FAM13B: variants seen among roughly 807,000 people sequenced by gnomAD.
The protein encoded by FAM13B is protein FAM13B.
A neutral mutation model predicts 117.3 loss-of-function variants in FAM13B; 60 were observed. The observed-to-expected ratio is 0.51, with a 90% CI of 0.42 to 0.63. The LOEUF is 0.63. Among genes scored for constraint, FAM13B ranks in the 30% least tolerant of loss-of-function variants. The pLI is 0.00. For missense variants in FAM13B, 972 were observed against 1,091.9 expected (o/e 0.89, Z 1.55); for synonymous variants, 332 against 356.1 (o/e 0.93, Z 0.76).
intron 1 of FAM13B, among the ~76,000 whole-genome samples, chr5:138,023,350 C>G (rs889280149): frequency 4.6e-5 from 7 of 152,114 alleles, no homozygotes; most frequent in African/African-American, 1.4e-4. Flanking sequence ...ATATGCCAGG[C>G]AGTTCCATGC....
chr5:138,005,025 G>GCCAGGAGTTTGAGA (rs1561519238), intron 7 of FAM13B, among the ~76,000 whole-genome samples: 2 of 152,086 alleles, frequency 1.3e-5, no homozygotes, highest in Non-Finnish European at 2.9e-5. Context: ...ATCACTTGAG[G>GCCAGGAGTTTGAGA]CCAGGAGTTT....
chr5:137,941,984 A>C lies in FAM13B; in HGVS notation c.2650T>G (p.Leu884Val), dbSNP rs531347260. The C allele has an allele frequency of 1.2e-6, 2 of 1,614,088 alleles. No individual in the cohort carries two copies. Among genetic ancestry groups the C allele is most frequent in the East Asian group, 4.5e-5 (2 of 44,856 alleles). Residue 884 changes from leucine (L) to valine (V), a missense_variant, in exon 23 of 24, where the codon TTG becomes GTG. Coordinates refer to ENST00000689681, the MANE Select transcript of FAM13B (RefSeq NM_001385994.1). The stretch of plus-strand genomic sequence containing the variant: ...TAAAATGCTTCTTCAAATTCCCGCA[A>C]CGTTTTGCGTAGTTTCTTTTTTTCA... ...RAEKKKLRKT[L>V]REFEEAFYQQ...
intron 7 of FAM13B, among the ~76,000 whole-genome samples, chr5:138,003,046 T>C (rs1328310006): frequency 4.6e-5 from 7 of 152,146 alleles, no homozygotes; most frequent in Non-Finnish European, 1.0e-4. Context: ...TAAGCACTTA[T>C]GAAATGGCAT....
At chr5:137,941,918 A>C (rs1761968367) in intron 23 of FAM13B, 26 bp downstream of exon 23, 1 of 1,559,700 alleles carries the variant, frequency 6.4e-7, no homozygotes, top group African/African-American at 1.4e-5. Context: ...AAGAAAGATG[A>C]CTCAATTTTG....
chr5:138,001,569 G>A (rs1289440054), intron 7 of FAM13B, among the ~76,000 whole-genome samples: 1 of 152,094 alleles, frequency 6.6e-6, no homozygotes, highest in Admixed American at 6.6e-5. Context: ...TCTGTAGCAG[G>A]CACTATCCTA....
Position 137,983,213 on chromosome 5 carries a change from A to AAAAAAAAAAAAAAAAAAC in FAM13B, c.1179+2043_1179+2044insGTTTTTTTTTTTTTTTTT, listed in dbSNP as rs1561492748. Among the ~76,000 whole-genome samples, 25 of 93,722 alleles carry AAAAAAAAAAAAAAAAAAC rather than the reference A, an allele frequency of 2.7e-4. 3 individuals are homozygous for AAAAAAAAAAAAAAAAAAC. Among genetic ancestry groups the AAAAAAAAAAAAAAAAAAC allele is most frequent in the Non-Finnish European group, 4.3e-4 (19 of 43,938 alleles). The allele number at this position is 93,722 out of a possible 152,430, so 61.5% of individuals were successfully genotyped here. A position where few individuals can be genotyped will look rare whatever the true frequency, so the allele number is the denominator to read the frequency against. On this transcript the variant is annotated intron_variant, in intron 10 of 23. Transcript: ENST00000689681. ...AAAAAAAAAAAAAAAAAAAAAAAAAAAACCGAGTGAGATATCCTGAATGCC... is the reference window on the plus strand; with the variant it reads ...AAAAAAAAAAAAAAAAAAAAAAAAAAAAAAAAAAAAAAAAAAACAACCGAGTGAGATATCCTGAATGCC...
chr5:137,966,523 A>T (rs1385268182), intron 10 of FAM13B, among the ~76,000 whole-genome samples: 2 of 138,246 alleles, frequency 1.4e-5, no homozygotes, highest in African/African-American at 5.2e-5. Context: ...AGAGAGAGAG[A>T]GGGAAAGAGA....
At chr5:137,969,313 A>G (rs575748294) in intron 10 of FAM13B, among the ~76,000 whole-genome samples, 137 of 152,324 alleles carry the variant, frequency 9.0e-4, no homozygotes, top group Middle Eastern at 3.4e-3. Context: ...CTTGACCCCC[A>G]AGCAGCCTAA....
intron 7 of FAM13B, among the ~76,000 whole-genome samples, chr5:138,002,173 T>C (rs895401871): frequency 6.6e-6 from 1 of 152,188 alleles, no homozygotes; most frequent in African/African-American, 2.4e-5. Flanking sequence ...CAAAGTACTT[T>C]TATAATTTTT....
At chr5:138,050,968 T>C (rs889907560) in intron 1 of FAM13B, among the ~76,000 whole-genome samples, 2 of 152,084 alleles carry the variant, frequency 1.3e-5, no homozygotes, top group Non-Finnish European at 2.9e-5. Flanking sequence ...ACATAGTCTT[T>C]AGGAAAATTC....
intron 1 of FAM13B, among the ~76,000 whole-genome samples, chr5:138,044,779 T>TA (rs1791597547): frequency 6.6e-6 from 1 of 152,172 alleles, no homozygotes; most frequent in African/African-American, 2.4e-5. Flanking sequence ...AAATAAATTT[T>TA]AAATTTTTTA....
chr5:138,043,471 T>C (rs1473691652), intron 1 of FAM13B, among the ~76,000 whole-genome samples: 2 of 150,612 alleles, frequency 1.3e-5, no homozygotes, highest in Non-Finnish European at 3.0e-5. Context: ...GACAGAGTCT[T>C]GCTCTGTCGC....
At chr5:137,968,889 A>G (rs959353861) in intron 10 of FAM13B, among the ~76,000 whole-genome samples, 1 of 152,114 alleles carries the variant, frequency 6.6e-6, no homozygotes, top group African/African-American at 2.4e-5. Flanking sequence ...CCTGAATACT[A>G]CGCTTTTCCG....
At chr5:137,998,494 GA>G (rs1780400430) in intron 7 of FAM13B, among the ~76,000 whole-genome samples, 1 of 152,122 alleles carries the variant, frequency 6.6e-6, no homozygotes, top group African/African-American at 2.4e-5. Flanking sequence ...TTTTATTACG[GA>G]ATACCATTTT....
chr5:138,043,383 G>T (rs1331974496), intron 1 of FAM13B, among the ~76,000 whole-genome samples: 1 of 150,828 alleles, frequency 6.6e-6, no homozygotes, highest in East Asian at 1.9e-4. Context: ...TAATAAATAA[G>T]AATAAATTAT....
chr5:138,016,284 C>T (rs927085809), intron 4 of FAM13B, among the ~76,000 whole-genome samples: 2 of 151,806 alleles, frequency 1.3e-5, no homozygotes. Flanking sequence ...CTTAGTTGTC[C>T]CAACAGTACA....
In FAM13B at chr5:138,019,142, C is replaced by G. The variant is rs1437974057; in HGVS notation, c.-31G>C. Reference sequence around the variant, plus strand: ...TTTTGCAGCCAGAAATCAAAGCTGTCTTTTCTGCCAAATGAAAGACAAAAA... The same window carrying G: ...TTTTGCAGCCAGAAATCAAAGCTGTGTTTTCTGCCAAATGAAAGACAAAAA... On this transcript the variant is annotated 5_prime_UTR_variant, in exon 3 of 24. Coordinates refer to ENST00000689681, the MANE Select transcript of FAM13B (RefSeq NM_001385994.1). 1.3e-6 allele frequency: 2 copies of G among 1,566,000 alleles called. No individual in the cohort carries two copies. Among genetic ancestry groups the G allele is most frequent in the Non-Finnish European group, 1.7e-6 (2 of 1,162,406 alleles).
chr5:137,957,098 T>C (rs1766782690), intron 13 of FAM13B, among the ~76,000 whole-genome samples: 1 of 152,238 alleles, frequency 6.6e-6, no homozygotes, highest in Non-Finnish European at 1.5e-5. Flanking sequence ...ACAGAAACTA[T>C]GTACTTAGGA....
rs115511125 is a variant in FAM13B, at chr5:137,943,301, T to C, written c.2341-85A>G. 2.6e-3 allele frequency: 2,713 copies of C among 1,030,306 alleles called. 51 individuals are homozygous for C. In the African/African-American group the frequency reaches 0.041, roughly 15 times the overall value. 63.8% of individuals were successfully genotyped at this position (1,030,306 alleles called of 1,614,324 possible). On this transcript the variant is annotated intron_variant, in intron 20 of 23. Transcript: ENST00000689681. The stretch of plus-strand genomic sequence containing the variant: ...GCTTCCCTTCATTATGTTACGAATC[T>C]TCAACTTTATTTTCAAAATCTTAAA...
Sources: allele counts gnomAD v4.1 joint callset (sites outside exome capture counted in the v4.1 genomes callset), GRCh38; gene constraint gnomAD v4.1.1; transcripts MANE v1.5; gene names NCBI Gene and HGNC (gene_info 2026-07-23, HGNC 2026-07-21).